The following ABCB10 variants were observed in gnomAD, a reference collection of about 807,000 sequenced individuals.
ABCB10 encodes the protein ATP-binding cassette sub-family B member 10, mitochondrial.
A neutral mutation model predicts 65.4 loss-of-function variants in ABCB10; 54 were observed. That is an observed-to-expected ratio of 0.83 (90% CI 0.66 to 1.04). The LOEUF is 1.04. Among genes scored for constraint, ABCB10 ranks in the 50% least tolerant of loss-of-function variants. The pLI is 0.00. For synonymous variants in ABCB10, 418 were observed against 406.5 expected, an observed-to-expected ratio of 1.03 and a Z score of -0.34; for missense variants, 846 against 976.6, an observed-to-expected ratio of 0.87 and a Z score of 1.78.
rs180941958 is a variant in ABCB10 at position 229,528,393 on chromosome 1, G to A, written c.1646-1085C>T. Among the ~76,000 whole-genome samples the A allele has an allele frequency of 1.7e-4, 26 of 151,314 alleles. No homozygotes were observed. The East Asian group carries it at 4.5e-3, about 26-fold the overall frequency. On this transcript the variant is annotated intron_variant, in intron 8 of 12. Coordinates refer to ENST00000344517, the MANE Select transcript of ABCB10 (RefSeq NM_012089.3). ...TTGCCCAAGCAGGTCTCAAACTCCC[G>A]GGCTCAAGCTATCCTCCCACCTCTG...
At chr1:229,552,916 C>G (rs1663150898) in intron 1 of ABCB10, among the ~76,000 whole-genome samples, 1 of 152,118 alleles carries the variant, frequency 6.6e-6, no homozygotes, top group African/African-American at 2.4e-5. Flanking sequence ...ACATCCCAAG[C>G]AGAGGAAGAG....
Position 229,539,526 on chromosome 1 carries a change from A to G in ABCB10, c.1269T>C (p.Ser423=). ...VLYKGGLLMG[S]AHMTVGELSS... is the part of the protein sequence containing the mutation. ...AGAGTTCACCCACGGTCATGTGGGC[A>G]CTGCCCATCAGCAGCCCTCCTTTGT... is the stretch of plus-strand genomic sequence containing the variant. Residue 423 remains serine, a synonymous_variant, in exon 6 of 13, where the codon AGT becomes AGC. Coordinates refer to ENST00000344517, the MANE Select transcript of ABCB10 (RefSeq NM_012089.3). The G allele has an allele frequency of 6.2e-7, 1 of 1,614,096 alleles. No individual in the cohort carries two copies. The highest frequency in any genetic ancestry group is 1.1e-5 in the South Asian group (1 of 91,084).
chr1:229,557,938 G>C (rs989657976), intron 1 of ABCB10, among the ~76,000 whole-genome samples, 198 bp downstream of exon 1: 2 of 152,178 alleles, frequency 1.3e-5, no homozygotes, highest in African/African-American at 2.4e-5. Flanking sequence ...CTGCAAACGA[G>C]TCCCCAGCTA....
At position 229,531,661 on chromosome 1, in the gene ABCB10, C is replaced by G. The variant is rs138740992; in HGVS notation, c.1410G>C (p.Glu470Asp). 1 of 1,613,928 alleles carries G rather than the reference C, an allele frequency of 6.2e-7. No individual in the cohort carries two copies. Among genetic ancestry groups the G allele is most frequent in the South Asian group, 1.1e-5 (1 of 91,068 alleles). Residue 470 changes from glutamate (E) to aspartate (D), a missense_variant, in exon 7 of 13, where the codon GAG becomes GAC. Around this residue, in one of 2 missense-constraint regions of ABCB10, gnomAD observed 632 missense variants for 803.2 expected, o/e 0.79. Transcript: ENST00000344517. ...CGTTAAAAGGCAGCTTGGGCTCTCT[C>G]TCCAGGAGCTCCCAGAGGCGCCCCC... ...GAGGRLWELL[E>D]REPKLPFNEG...
intron 7 of ABCB10, among the ~76,000 whole-genome samples, chr1:229,530,865 G>A (rs2385787): frequency 0.044 from 6,708 of 152,230 alleles, 414 homozygotes; most frequent in African/African-American, 0.14. Flanking sequence ...ATGATGAAAC[G>A]GGGAGCGCTG....
intron 7 of ABCB10, among the ~76,000 whole-genome samples, chr1:229,531,047 T>C (rs972240217): frequency 6.6e-6 from 1 of 152,106 alleles, no homozygotes; most frequent in African/African-American, 2.4e-5. Context: ...GACAATGTCC[T>C]AGGAAGTCAA....
intron 2 of ABCB10, among the ~76,000 whole-genome samples, chr1:229,548,656 CTTTT>C (rs908195240): frequency 3.4e-5 from 5 of 147,460 alleles, no homozygotes; most frequent in African/African-American, 7.7e-5. Flanking sequence ...GCCTCATTTT[CTTTT>C]TTTTTCTTTT....
At chr1:229,522,761 A>C (rs1662346736) in intron 10 of ABCB10, among the ~76,000 whole-genome samples, 1 of 152,272 alleles carries the variant, frequency 6.6e-6, no homozygotes, top group Non-Finnish European at 1.5e-5. Context: ...AGATATTTGC[A>C]GTTTCCAAAG....
intron 5 of ABCB10, among the ~76,000 whole-genome samples, chr1:229,540,278 G>A (rs980344266): frequency 6.6e-6 from 1 of 152,172 alleles, no homozygotes; most frequent in Non-Finnish European, 1.5e-5. Context: ...TAAACAGATT[G>A]CTGGCCCCAG....
intron 10 of ABCB10, among the ~76,000 whole-genome samples, chr1:229,522,921 C>A (rs1316185002): frequency 6.6e-6 from 1 of 152,166 alleles, no homozygotes; most frequent in South Asian, 2.1e-4. Context: ...GCAATCATGG[C>A]TCACTGCAAC....
rs1210153499 is a variant in ABCB10, at chr1:229,518,132, C to T, written c.*47G>A. 1.4e-6 allele frequency: 2 copies of T among 1,415,090 alleles called. No homozygotes were observed. The highest frequency in any genetic ancestry group is 2.3e-5 in the East Asian group (1 of 43,838). The allele number at this position is 1,415,090 out of a possible 1,614,324, so 87.7% of individuals were successfully genotyped here. The stretch of plus-strand genomic sequence containing the variant: ...TAGTCTCTGAGTTTTTTTTCTGCAA[C>T]ACTGTTTTGCATTAAAGTCTCATAT... On this transcript the variant is annotated 3_prime_UTR_variant, in exon 13 of 13. Coordinates refer to ENST00000344517, the MANE Select transcript of ABCB10 (RefSeq NM_012089.3).
At chr1:229,519,386 C>A (rs1404187548) in intron 11 of ABCB10, among the ~76,000 whole-genome samples, 2 of 152,134 alleles carry the variant, frequency 1.3e-5, no homozygotes, top group East Asian at 3.8e-4. Context: ...AATCACTAGA[C>A]CAGGTATCGT....
intron 1 of ABCB10, among the ~76,000 whole-genome samples, chr1:229,557,604 GTGGCCTGT>G (rs1348017874): frequency 3.2e-4 from 49 of 152,264 alleles, no homozygotes; most frequent in African/African-American, 1.2e-3. Context: ...GATCACTGGT[GTGGCCTGT>G]TGAACACAGT....
At chr1:229,521,739 TAGTC>T in intron 10 of ABCB10, 104 bp from the exon 11 acceptor site, 1 of 1,180,228 alleles carries the variant, frequency 8.5e-7, no homozygotes, top group Non-Finnish European at 1.2e-6. Flanking sequence ...TTCTTCTAGT[TAGTC>T]ATAGCTGACA....
At chr1:229,539,963 G>A (rs1558125202) in intron 5 of ABCB10, among the ~76,000 whole-genome samples, 1 of 152,200 alleles carries the variant, frequency 6.6e-6, no homozygotes, top group Non-Finnish European at 1.5e-5. Flanking sequence ...ACCAGCCTGA[G>A]GAGCTGGACT....
intron 6 of ABCB10, among the ~76,000 whole-genome samples, chr1:229,538,538 G>T (rs1017703406): frequency 4.6e-5 from 7 of 152,058 alleles, no homozygotes; most frequent in Non-Finnish European, 1.0e-4. Flanking sequence ...CTCCTGAACC[G>T]GTCCACCTTC....
Position 229,558,221 on chromosome 1 carries a change from C to CA in ABCB10, c.431_432insT (p.Lys144AsnfsTer24). The CA allele has an allele frequency of 7.2e-7, 1 of 1,387,786 alleles. No individual in the cohort carries two copies. Among genetic ancestry groups the CA allele is most frequent in the Non-Finnish European group, 9.3e-7 (1 of 1,072,102 alleles). The allele number at this position is 1,387,786 out of a possible 1,614,324, so 86.0% of individuals were successfully genotyped here. On this transcript the variant is annotated frameshift_variant, in exon 1 of 13. Transcript: ENST00000344517. LOFTEE classifies it high-confidence loss of function. ...CGGCCGCTGCGGGGCGCAGCCGCCC[C>CA]TTGTCCCCGGGAGGCGCCGCCGGCC...
At chr1:229,547,724 G>A (rs757736881) in intron 2 of ABCB10, 23 bp from the exon 3 acceptor site, 4 of 1,612,486 alleles carry the variant, frequency 2.5e-6, no homozygotes, top group South Asian at 2.2e-5. Flanking sequence ...ACACGAACAG[G>A]CTCACCAAGG....
intron 4 of ABCB10, 42 bp from the exon 5 acceptor site, chr1:229,540,794 A>G (rs1199780408): frequency 1.3e-6 from 2 of 1,570,414 alleles, no homozygotes; most frequent in Non-Finnish European, 1.7e-6. Flanking sequence ...GAAGGGTCAT[A>G]TTTCAAGAGC....
Sources: gnomAD v4.1 joint callset for allele counts (sites outside exome capture counted in the v4.1 genomes callset) on GRCh38, gnomAD v4.1.1 for gene constraint, gnomAD v4.1.1 regional missense constraint, MANE v1.5 for transcripts, NCBI Gene and HGNC (gene_info 2026-07-23, HGNC 2026-07-21) for gene names.